The following ZNF696 variants were observed in gnomAD, a reference collection of about 807,000 sequenced individuals.
ZNF696 encodes zinc finger protein 696.
ZNF696 carries 10 observed loss-of-function variants against 12.3 expected under a neutral mutation model. That is an observed-to-expected ratio of 0.81 (90% CI 0.50 to 1.38). The LOEUF is 1.38. Ranked by LOEUF, ZNF696 falls within the 40% of genes most tolerant of loss-of-function variation. ZNF696 has a pLI of 0.00. For synonymous variants in ZNF696, 304 were observed against 243.9 expected (o/e 1.25, Z -2.29); for missense variants, 675 against 554.7 (o/e 1.22, Z -2.18).
chr8:143,296,243 T>C lies in ZNF696; in HGVS notation c.568T>C (p.Phe190Leu). ...CGCGTGCGCCGAGTGCGGCAAGGCC[T>C]TCGGCCAGAGCTTCAACCTCCTCCG... Reference protein sequence around the residue: ...PYACAECGKAFGQSFNLLRHQ... With the variant: ...PYACAECGKALGQSFNLLRHQ... Residue 190 changes from phenylalanine (F) to leucine (L), a missense_variant, in exon 3 of 3, where the codon TTC (phenylalanine) becomes CTC (leucine). Transcript: ENST00000330143. 6.3e-7 allele frequency: 1 copy of C among 1,596,860 alleles called. No individual in the cohort carries two copies. Among genetic ancestry groups the C allele is most frequent in the South Asian group, 1.1e-5 (1 of 90,088 alleles).
chr8:143,294,535 C>T, intron 2 of ZNF696, among the ~76,000 whole-genome samples: 1 of 152,082 alleles, frequency 6.6e-6, no homozygotes, highest in Middle Eastern at 3.2e-3. Context: ...TGTGCACCAC[C>T]ACACCCAGCT....
At position 143,291,463 on chromosome 8, in the gene ZNF696, T is replaced by C; in HGVS notation, c.-335T>C. The C allele has an allele frequency of 1.0e-6, 1 of 985,444 alleles. No individual in the cohort carries two copies. The allele number at this position is 985,444 out of a possible 1,614,324, so 61.0% of individuals were successfully genotyped here. A position where few individuals can be genotyped will look rare whatever the true frequency, so the allele number is the denominator to read the frequency against. Reference sequence around the variant, plus strand: ...CTCTGGACGCTGAGGCCCCGGCTTCTCTTGCTGGGGTGTCGATTCGGGAGG... The same window carrying C: ...CTCTGGACGCTGAGGCCCCGGCTTCCCTTGCTGGGGTGTCGATTCGGGAGG... On this transcript the variant is annotated 5_prime_UTR_variant, in exon 1 of 3. Coordinates refer to ENST00000330143, the MANE Select transcript of ZNF696 (RefSeq NM_030895.3).
intron 2 of ZNF696, chr8:143,293,289 C>T: frequency 1.7e-6 from 1 of 581,230 alleles, no homozygotes; most frequent in Non-Finnish European, 3.0e-6. Flanking sequence ...AGTCTGGCAG[C>T]CCCAGGCTCT....
intron 2 of ZNF696, chr8:143,295,299 A>G: frequency 4.4e-6 from 2 of 455,708 alleles, no homozygotes; most frequent in South Asian, 1.6e-5. Context: ...GGGTGGGCCG[A>G]GGCTAGAGGT....
chr8:143,296,574 G>C lies in ZNF696; in HGVS notation c.899G>C (p.Arg300Pro), dbSNP rs1255034647. 6.3e-7 allele frequency: 1 copy of C among 1,590,990 alleles called. No homozygotes were observed. Among genetic ancestry groups the C allele is most frequent in the East Asian group, 2.3e-5 (1 of 44,148 alleles). Reference protein sequence around the residue: ...ERPFACQDCGRAFSRSSFLRE... With the variant: ...ERPFACQDCGPAFSRSSFLRE... ...CCCTTCGCCTGCCAGGACTGCGGCC[G>C]CGCCTTCAGCCGCAGCTCCTTCCTC... Residue 300 changes from arginine to proline, a missense_variant, in exon 3 of 3, where the codon CGC (arginine) becomes CCC (proline). Transcript: ENST00000330143.
Position 143,296,876 on chromosome 8 carries a change from C to A in ZNF696, c.*76C>A. On this transcript the variant is annotated 3_prime_UTR_variant, in exon 3 of 3. Transcript: ENST00000330143. ...AGGCCGGGGGAGGCTCCTGTCCGCCCCGTGCGCGGTGAGGAAGTAACAGCC... is the reference window on the plus strand; with the variant it reads ...AGGCCGGGGGAGGCTCCTGTCCGCCACGTGCGCGGTGAGGAAGTAACAGCC... 7.8e-7 allele frequency: 1 copy of A among 1,284,532 alleles called. No individual in the cohort carries two copies. The highest frequency in any genetic ancestry group is 1.0e-6 in the Non-Finnish European group (1 of 999,354). The allele number at this position is 1,284,532 out of a possible 1,614,324, so 79.6% of individuals were successfully genotyped here. A position where few individuals can be genotyped will look rare whatever the true frequency, so the allele number is the denominator to read the frequency against.
In ZNF696 at chr8:143,296,199, A is replaced by G; in HGVS notation, c.524A>G (p.His175Arg). ...SSHVVRHQRA[H>R]SGERPYACAE... ...CACGTGGTCCGGCACCAGCGGGCGC[A>G]CAGCGGGGAGAGGCCCTACGCGTGC... Residue 175 changes from histidine (H) to arginine (R), a missense_variant, in exon 3 of 3, where the codon CAC becomes CGC. Coordinates refer to ENST00000330143, the MANE Select transcript of ZNF696 (RefSeq NM_030895.3). 2 of 1,596,636 alleles carry G rather than the reference A, an allele frequency of 1.3e-6. No homozygotes were observed. The highest frequency in any genetic ancestry group is 1.1e-5 in the South Asian group (1 of 89,432).
chr8:143,295,628 G>A (rs1815694758), intron 2 of ZNF696, 112 bp from the exon 3 acceptor site: 1 of 1,212,978 alleles, frequency 8.2e-7, no homozygotes, highest in Non-Finnish European at 1.1e-6. Context: ...AGGTGTCTGT[G>A]GCACACTGAC....
Position 143,296,878 on chromosome 8 carries a change from G to C in ZNF696, c.*78G>C, listed in dbSNP as rs1815730043. 1 of 1,269,450 alleles carries C rather than the reference G, an allele frequency of 7.9e-7. No homozygotes were observed. Among genetic ancestry groups the C allele is most frequent in the Non-Finnish European group, 1.0e-6 (1 of 986,704 alleles). 78.6% of individuals were successfully genotyped at this position (1,269,450 alleles called of 1,614,324 possible). On this transcript the variant is annotated 3_prime_UTR_variant, in exon 3 of 3. Transcript: ENST00000330143. ...GCCGGGGGAGGCTCCTGTCCGCCCC[G>C]TGCGCGGTGAGGAAGTAACAGCCGG...
At position 143,299,287 on chromosome 8, in the gene ZNF696, C is replaced by G. The variant is rs577687385; in HGVS notation, c.*2487C>G. Among the ~76,000 whole-genome samples the G allele has an allele frequency of 6.6e-6, 1 of 152,178 alleles. No individual in the cohort carries two copies. The highest frequency in any genetic ancestry group is 2.1e-4 in the South Asian group (1 of 4,824). On this transcript the variant is annotated 3_prime_UTR_variant, in exon 3 of 3. Transcript: ENST00000330143. ...TAAAAGAATAGTGTCAACTAAAATA[C>G]TAGACAACAATAGCATGTAAATTAG...
intron 2 of ZNF696, among the ~76,000 whole-genome samples, chr8:143,293,969 C>T (rs1433372832): frequency 5.9e-5 from 9 of 152,174 alleles, no homozygotes; most frequent in African/African-American, 2.2e-4. Context: ...GTCTTATCTG[C>T]GCCCTCCACA....
rs776157920 is a variant in ZNF696, at chr8:143,295,873, G to A, written c.198G>A (p.Arg66=). The change falls in exon 3 of 3, where the codon CGG becomes CGA. Residue 66 remains arginine (R), a synonymous_variant. Transcript: ENST00000330143. ...EGEGHRGGPP[R]ALGSLGLCEN... ...AGGGCCACAGAGGGGGGCCTCCCCG[G>A]GCGTTGGGGTCTCTTGGCCTTTGTG... 1 of 1,566,986 alleles carries A rather than the reference G, an allele frequency of 6.4e-7. No individual in the cohort carries two copies. Among genetic ancestry groups the A allele is most frequent in the South Asian group, 1.2e-5 (1 of 86,826 alleles).
rs910504607 is a variant in ZNF696 at position 143,297,283 on chromosome 8, G to A, written c.*483G>A. The A allele has an allele frequency of 1.3e-4, 20 of 158,720 alleles. No homozygotes were observed. The highest frequency in any genetic ancestry group is 6.9e-5 in the Non-Finnish European group (5 of 72,752). 9.8% of individuals were successfully genotyped at this position (158,720 alleles called of 1,614,324 possible). A position where few individuals can be genotyped will look rare whatever the true frequency, so the allele number is the denominator to read the frequency against. ...CGTCCTCCCCCGTACCTTGCGGGTC[G>A]GTGGTTCATCCATGTATTTCAACGC... On this transcript the variant is annotated 3_prime_UTR_variant, in exon 3 of 3. Coordinates refer to ENST00000330143, the MANE Select transcript of ZNF696 (RefSeq NM_030895.3).
Position 143,291,787 on chromosome 8 carries a change from C to T in ZNF696, c.-31+20C>T. 1 of 985,448 alleles carries T rather than the reference C, an allele frequency of 1.0e-6. No homozygotes were observed. Among genetic ancestry groups the T allele is most frequent in the Non-Finnish European group, 1.2e-6 (1 of 829,932 alleles). 61.0% of individuals were successfully genotyped at this position (985,448 alleles called of 1,614,324 possible). On this transcript the variant is annotated intron_variant, in intron 1 of 2. Transcript: ENST00000330143. ...TTGCCGGTAAGGTACTTGCAAAAAT[C>T]TGCTTCCAGACTAAAAAATTGCACT...
At chr8:143,292,199 C>T (rs966433254) in intron 1 of ZNF696, 3 of 152,226 alleles carry the variant, frequency 2.0e-5, no homozygotes, top group Non-Finnish European at 4.4e-5. Context: ...ATCAGTCAGT[C>T]CTCCATCCTG....
chr8:143,296,477 C>T lies in ZNF696; in HGVS notation c.802C>T (p.Arg268Trp), dbSNP rs753031731. 10 of 1,601,186 alleles carry T rather than the reference C, an allele frequency of 6.2e-6. No individual in the cohort carries two copies. The highest frequency in any genetic ancestry group is 7.6e-6 in the Non-Finnish European group (9 of 1,176,818). ...CCACGGGGAGAACCCGTACGAGTGC[C>T]GGGAGTGCGGCCAGGCCTTCAGCCA... ...THHGENPYEC[R>W]ECGQAFSQSS... is the part of the protein sequence containing the mutation. Residue 268 changes from arginine to tryptophan, a missense_variant, in exon 3 of 3, where the codon CGG becomes TGG. Arg to Trp is a moderately radical substitution (Grantham distance 101). Transcript: ENST00000330143.
Position 143,296,624 on chromosome 8 carries a change from G to A in ZNF696, c.949G>A (p.Gly317Arg). 1 of 1,585,862 alleles carries A rather than the reference G, an allele frequency of 6.3e-7. No homozygotes were observed. Among genetic ancestry groups the A allele is most frequent in the Non-Finnish European group, 8.5e-7 (1 of 1,172,388 alleles). ...CCGCGAGCACCGCCGCATCCACACC[G>A]GGGAGAAGCCCCACCAGTGCGGCCA... Reference protein sequence around the residue: ...FLREHRRIHTGEKPHQCGHCG... With the variant: ...FLREHRRIHTREKPHQCGHCG... The change falls in exon 3 of 3, where the codon GGG (glycine) becomes AGG (arginine). Residue 317 changes from glycine to arginine, a missense_variant. Transcript: ENST00000330143.
At chr8:143,293,139 T>C in intron 2 of ZNF696, 74 bp downstream of exon 2, 2 of 1,298,342 alleles carry the variant, frequency 1.5e-6, no homozygotes, top group South Asian at 1.2e-5. Context: ...AAAAACACCA[T>C]GTCTCAGTCA....
Position 143,298,051 on chromosome 8 carries a change from G to A in ZNF696, c.*1251G>A, listed in dbSNP as rs939922714. The A allele has an allele frequency of 3.3e-5, 5 of 152,210 alleles. No individual in the cohort carries two copies. Among genetic ancestry groups the A allele is most frequent in the Non-Finnish European group, 5.9e-5 (4 of 68,040 alleles). 9.4% of individuals were successfully genotyped at this position (152,210 alleles called of 1,614,324 possible). On this transcript the variant is annotated 3_prime_UTR_variant, in exon 3 of 3. Transcript: ENST00000330143. ...TTTTGGGGGCGTATAGTAAAGCTCT[G>A]TCATCATGAATTAAGCGAGGTGGGC...
Sources: gnomAD v4.1 joint callset for allele counts (sites outside exome capture counted in the v4.1 genomes callset) on GRCh38, gnomAD v4.1.1 for gene constraint, MANE v1.5 for transcripts, NCBI Gene and HGNC (gene_info 2026-07-23, HGNC 2026-07-21) for gene names.